SLC38A6: variants seen among roughly 807,000 people sequenced by gnomAD.
The protein encoded by SLC38A6 is solute carrier family 38 member 6.
Under a neutral mutation model 65.0 loss-of-function variants are expected in SLC38A6, and 73 were observed. The observed-to-expected ratio is 1.12, with a 90% CI of 0.93 to 1.37. SLC38A6 has a LOEUF of 1.37. SLC38A6 is among the 40% of genes most tolerant of loss of function. SLC38A6 has a pLI of 0.00. For missense variants in SLC38A6, 561 were observed against 531.1 expected, an observed-to-expected ratio of 1.06 and a Z score of -0.55; for synonymous variants, 183 against 178.8, an observed-to-expected ratio of 1.02 and a Z score of -0.19.
chr14:61,052,467 C>A lies in SLC38A6; in HGVS notation c.*38C>A. ...CCTACTTCTTACAAGAATAATATACCCCTAGTTGCAAGAATGAATTATTCC... is the reference window on the plus strand; with the variant it reads ...CCTACTTCTTACAAGAATAATATACACCTAGTTGCAAGAATGAATTATTCC... On this transcript the variant is annotated 3_prime_UTR_variant, in exon 16 of 16. Coordinates refer to ENST00000267488, the MANE Select transcript of SLC38A6 (RefSeq NM_153811.3). The A allele has an allele frequency of 3.3e-6, 5 of 1,523,224 alleles. No homozygotes were observed. The highest frequency in any genetic ancestry group is 3.5e-6 in the Non-Finnish European group (4 of 1,141,042). 94.4% of individuals were successfully genotyped at this position (1,523,224 alleles called of 1,614,324 possible).
chr14:61,043,439 C>A lies in SLC38A6; in HGVS notation c.691-11C>A, dbSNP rs1443962643. On this transcript the variant is annotated splice_polypyrimidine_tract_variant and intron_variant, in intron 9 of 15. Transcript: ENST00000267488. ...TTGGTTTCTCTTTTTCCCCTCAATG[C>A]TCTTAAACAGATTTCAAATGTTACA... 1 of 1,598,326 alleles carries A rather than the reference C, an allele frequency of 6.3e-7. No homozygotes were observed. The highest frequency in any genetic ancestry group is 1.1e-5 in the South Asian group (1 of 88,016).
intron 15 of SLC38A6, among the ~76,000 whole-genome samples, chr14:61,062,497 C>CTT (rs113203481): frequency 2.4e-3 from 334 of 141,368 alleles, no homozygotes; most frequent in African/African-American, 8.2e-3. Context: ...TCTCTTTTGC[C>CTT]TTTTTTTTTT....
At chr14:61,076,445 C>A (rs1471816210) in intron 15 of SLC38A6, among the ~76,000 whole-genome samples, 5 of 152,148 alleles carry the variant, frequency 3.3e-5, no homozygotes, top group African/African-American at 1.2e-4. Context: ...TTATATTCCC[C>A]ATTTAATAGA....
intron 3 of SLC38A6, among the ~76,000 whole-genome samples, chr14:60,990,061 A>G (rs2037745256): frequency 6.7e-6 from 1 of 149,368 alleles, no homozygotes; most frequent in African/African-American, 2.5e-5. Flanking sequence ...ACAGAGTCTC[A>G]CTCTGTCACC....
At chr14:61,076,429 G>A (rs1341807386) in intron 15 of SLC38A6, among the ~76,000 whole-genome samples, 1 of 152,182 alleles carries the variant, frequency 6.6e-6, no homozygotes, top group Non-Finnish European at 1.5e-5. Flanking sequence ...TCTGAGGTAA[G>A]CACAGTTATA....
At chr14:61,074,679 T>TTCCCTCCCTCCCTCCCTCCCTCCC (rs67230998) in intron 15 of SLC38A6, among the ~76,000 whole-genome samples, 1 of 135,186 alleles carries the variant, frequency 7.4e-6, no homozygotes, top group African/African-American at 2.8e-5. Flanking sequence ...AAGCCTATTA[T>TTCCCTCCCTCCCTCCCTCCCTCCC]TCCCTCCCTC....
intron 6 of SLC38A6, among the ~76,000 whole-genome samples, chr14:61,033,019 T>C (rs989333692): frequency 6.6e-6 from 1 of 151,958 alleles, no homozygotes; most frequent in South Asian, 2.1e-4. Context: ...ATAATACTTA[T>C]ACTGAACTTT....
chr14:61,076,231 GA>G (rs1169709864), intron 15 of SLC38A6, among the ~76,000 whole-genome samples: 1 of 152,120 alleles, frequency 6.6e-6, no homozygotes, highest in Non-Finnish European at 1.5e-5. Flanking sequence ...CACTCCCATG[GA>G]AAAAGAGTAG....
At chr14:61,012,097 C>G (rs1247589769) in intron 3 of SLC38A6, among the ~76,000 whole-genome samples, 1 of 152,140 alleles carries the variant, frequency 6.6e-6, no homozygotes, top group Non-Finnish European at 1.5e-5. Flanking sequence ...CAACTTCTTC[C>G]TGGTTTAGTG....
chr14:60,986,689 A>G (rs1260405200), intron 3 of SLC38A6, among the ~76,000 whole-genome samples: 4 of 152,186 alleles, frequency 2.6e-5, no homozygotes. Context: ...GCATGTATTG[A>G]AATTTTGCTG....
intron 5 of SLC38A6, among the ~76,000 whole-genome samples, chr14:61,023,600 TACAC>T (rs36081997): frequency 4.8e-5 from 7 of 146,850 alleles, no homozygotes; most frequent in South Asian, 4.3e-4. Context: ...TATATATATA[TACAC>T]ACACACACAC....
intron 5 of SLC38A6, among the ~76,000 whole-genome samples, chr14:61,028,789 T>A: frequency 6.6e-6 from 1 of 152,330 alleles, no homozygotes; most frequent in Non-Finnish European, 1.5e-5. Context: ...AATTTTACTT[T>A]GACATAAATA....
chr14:61,016,419 T>C (rs561807233), intron 4 of SLC38A6, among the ~76,000 whole-genome samples: 5 of 152,296 alleles, frequency 3.3e-5, no homozygotes, highest in Admixed American at 3.3e-4. Flanking sequence ...TATCCTCTCA[T>C]TTATAGGTGA....
At chr14:61,006,182 A>G (rs1379158788) in intron 3 of SLC38A6, among the ~76,000 whole-genome samples, 1 of 152,214 alleles carries the variant, frequency 6.6e-6, no homozygotes, top group Non-Finnish European at 1.5e-5. Context: ...TTAATTCAAG[A>G]TGGATTAAAG....
intron 3 of SLC38A6, among the ~76,000 whole-genome samples, chr14:61,010,103 G>C (rs1216464357): frequency 6.6e-6 from 1 of 152,138 alleles, no homozygotes; most frequent in Non-Finnish European, 1.5e-5. Context: ...ATCTCACTGT[G>C]GTTTTGATTT....
chr14:61,011,335 A>G (rs2039549563), intron 3 of SLC38A6, among the ~76,000 whole-genome samples: 1 of 152,140 alleles, frequency 6.6e-6, no homozygotes, highest in African/African-American at 2.4e-5. Context: ...AACAGGGACA[A>G]TTTGACTTCC....
rs77836626 is a variant in SLC38A6 at position 61,030,691 on chromosome 14, C to T, written c.482+168C>T. ...AAGCAGTAATAGAATAGAAACTACT[C>T]AGCCAATGTTTGATTACCCATATGA... On this transcript the variant is annotated intron_variant, in intron 6 of 15. Coordinates refer to ENST00000267488, the MANE Select transcript of SLC38A6 (RefSeq NM_153811.3). The T allele has an allele frequency of 3.2e-3, 1,721 of 530,596 alleles. 24 individuals carry two copies. The highest frequency in any genetic ancestry group is 0.029 in the African/African-American group (1,510 of 51,862). 32.9% of individuals were successfully genotyped at this position (530,596 alleles called of 1,614,324 possible).
intron 5 of SLC38A6, among the ~76,000 whole-genome samples, chr14:61,028,821 A>T (rs537269578): frequency 6.6e-6 from 1 of 152,334 alleles, no homozygotes; most frequent in South Asian, 2.1e-4. Context: ...ACTAAAAAAA[A>T]TTGAGAGTGT....
At chr14:61,022,782 A>G (rs1308151151) in intron 5 of SLC38A6, among the ~76,000 whole-genome samples, 1 of 152,154 alleles carries the variant, frequency 6.6e-6, no homozygotes, top group Non-Finnish European at 1.5e-5. Context: ...ACTCTACTAG[A>G]TACTTTAATT....
Sources: allele counts gnomAD v4.1 joint callset (sites outside exome capture counted in the v4.1 genomes callset), GRCh38; gene constraint gnomAD v4.1.1; transcripts MANE v1.5; gene names NCBI Gene and HGNC (gene_info 2026-07-23, HGNC 2026-07-21).